The following ZFHX2 variants were observed in gnomAD, a reference collection of about 807,000 sequenced individuals.
ZFHX2 encodes the protein zinc finger homeobox 2.
ZFHX2 carries 75 observed loss-of-function variants against 164.8 expected under a neutral mutation model. That is an observed-to-expected ratio of 0.46 (90% confidence interval 0.38 to 0.55). The LOEUF (loss-of-function observed/expected upper bound fraction) is 0.55, where lower values mean the gene tolerates loss of function less well. ZFHX2 is among the 20% of genes least tolerant of loss of function. The pLI is 0.00. For synonymous variants in ZFHX2, 1,217 were observed against 1,351.4 expected (o/e 0.90, Z 2.18); for missense variants, 2,933 against 3,308.0 (o/e 0.89, Z 2.78).
At position 23,522,288 on chromosome 14, in the gene ZFHX2, G is replaced by A. The variant is rs1177092725; in HGVS notation, c.7393C>T (p.Pro2465Ser). ...AAGGATCTCTGGTGGGCAGTAGCCG[G>A]GGCCTCCCCGTCAAATGCCATCTTG... Reference protein sequence around the residue: ...QCKMAFDGEAPATAHQRSFCF... With the variant: ...QCKMAFDGEASATAHQRSFCF... Residue 2465 changes from proline (P) to serine (S), a missense_variant, in exon 10 of 10, where the codon CCG (proline) becomes TCG (serine). Transcript: ENST00000419474. 12 of 1,505,064 alleles carry A rather than the reference G, an allele frequency of 8.0e-6. No homozygotes were observed. Among genetic ancestry groups the A allele is most frequent in the Non-Finnish European group, 1.1e-5 (12 of 1,128,912 alleles). The allele number at this position is 1,505,064 out of a possible 1,614,324, so 93.2% of individuals were successfully genotyped here.
chr14:23,533,219 G>C lies in ZFHX2; in HGVS notation c.2041+66C>G, dbSNP rs1413618402. 1.4e-6 allele frequency: 2 copies of C among 1,435,964 alleles called. No individual in the cohort carries two copies. Among genetic ancestry groups the C allele is most frequent in the African/African-American group, 2.9e-5 (2 of 69,630 alleles). The allele number at this position is 1,435,964 out of a possible 1,614,324, so 89.0% of individuals were successfully genotyped here. ...TACCTAAGTGGGGAGTTGGTCCTTG[G>C]GAGAAAGCACGGAATAGAGTTTGGC... On this transcript the variant is annotated intron_variant, in intron 2 of 9. Transcript: ENST00000419474. The surrounding 1 kb of genome is among the most constrained non-coding windows in gnomAD (Gnocchi z 4.8).
At chr14:23,532,476 G>T in intron 3 of ZFHX2, 91 bp downstream of exon 3, 2 of 1,377,642 alleles carry the variant, frequency 1.5e-6, no homozygotes, top group South Asian at 3.5e-5. Context: ...TTGTCACCCA[G>T]GGTTTTCCTA....
rs1277753553 is a variant in ZFHX2, at chr14:23,526,637, G to C, written c.3305C>G (p.Pro1102Arg). 3 of 1,536,032 alleles carry C rather than the reference G, an allele frequency of 2.0e-6. No individual in the cohort carries two copies. The highest frequency in any genetic ancestry group is 2.6e-6 in the Non-Finnish European group (3 of 1,146,888). ...CTCAACTGAGGCCAGGGGAGGCTCA[G>C]GAAGAGGATCTGGACTGGCTTCTGG... Reference protein sequence around the residue: ...LTPEASPDPLPEPPLASVEVP... With the variant: ...LTPEASPDPLREPPLASVEVP... Residue 1102 changes from proline (P) to arginine (R), a missense_variant, in exon 9 of 10, where the codon CCT (proline) becomes CGT (arginine). Transcript: ENST00000419474.
chr14:23,537,307 A>G (rs1484667848), intron 1 of ZFHX2, among the ~76,000 whole-genome samples: 1 of 151,838 alleles, frequency 6.6e-6, no homozygotes, highest in Non-Finnish European at 1.5e-5. Flanking sequence ...ACTTCCCCCA[A>G]GGTCCCAGTT....
intron 6 of ZFHX2, among the ~76,000 whole-genome samples, chr14:23,528,192 A>G (rs1566579502): frequency 6.6e-6 from 1 of 152,170 alleles, no homozygotes. Context: ...TACAGGCGTG[A>G]GCCACCACGC....
At chr14:23,541,915 T>C (rs1880862494) in intron 1 of ZFHX2, among the ~76,000 whole-genome samples, 1 of 152,222 alleles carries the variant, frequency 6.6e-6, no homozygotes, top group African/African-American at 2.4e-5. Flanking sequence ...TTCTAGACCC[T>C]TCCCCTTTTA....
chr14:23,525,902 G>A lies in ZFHX2; in HGVS notation c.4040C>T (p.Pro1347Leu), dbSNP rs558237937. The change falls in exon 9 of 10, where the codon CCC becomes CTC. Residue 1347 changes from proline to leucine, a missense_variant. Transcript: ENST00000419474. This position sits in a 1 kb window ranked among gnomAD's most constrained non-coding sequence, Gnocchi z 5.9. ...APLFTPPVLP[P>L]FPLVPESLLK... is the part of the protein sequence containing the mutation. ...CAGTGATTCGGGCACCAGAGGGAAG[G>A]GGGGCAGGACTGGTGGGGTGAAGAG... The A allele has an allele frequency of 1.4e-6, 2 of 1,461,672 alleles. No homozygotes were observed. Among genetic ancestry groups the A allele is most frequent in the Non-Finnish European group, 9.0e-7 (1 of 1,111,448 alleles). The allele number at this position is 1,461,672 out of a possible 1,614,324, so 90.5% of individuals were successfully genotyped here. A position where few individuals can be genotyped will look rare whatever the true frequency, so the allele number is the denominator to read the frequency against.
Position 23,522,249 on chromosome 14 carries a change from G to T in ZFHX2, c.7432C>A (p.Arg2478=), listed in dbSNP as rs753985089. 6.8e-6 allele frequency: 10 copies of T among 1,480,306 alleles called. No individual in the cohort carries two copies. Among genetic ancestry groups the T allele is most frequent in the Non-Finnish European group, 9.0e-6 (10 of 1,117,208 alleles). 91.7% of individuals were successfully genotyped at this position (1,480,306 alleles called of 1,614,324 possible). Residue 2478 remains arginine, a synonymous_variant, in exon 10 of 10, where the codon CGG becomes AGG. Transcript: ENST00000419474. The part of the protein sequence containing the change: ...AHQRSFCFFG[R]GSGGSMPPPL... ...GGTGGCATGGAGCCCCCAGAGCCCC[G>T]CCCAAAGAAGCAGAAGGATCTCTGG...
Position 23,523,101 on chromosome 14 carries a change from A to G in ZFHX2, c.6739+102T>C, listed in dbSNP as rs1878249955. 6.4e-6 allele frequency: 9 copies of G among 1,406,464 alleles called. No homozygotes were observed. The highest frequency in any genetic ancestry group is 1.4e-5 in the African/African-American group (1 of 69,292). 87.1% of individuals were successfully genotyped at this position (1,406,464 alleles called of 1,614,324 possible). A position where few individuals can be genotyped will look rare whatever the true frequency, so the allele number is the denominator to read the frequency against. ...CAAGAGCCTGATGCAAAGGAAGGCCACAGGAGATTGGGCATGGGAAGAATC... is the reference window on the plus strand; with the variant it reads ...CAAGAGCCTGATGCAAAGGAAGGCCGCAGGAGATTGGGCATGGGAAGAATC... On this transcript the variant is annotated intron_variant, in intron 9 of 9. Coordinates refer to ENST00000419474, the MANE Select transcript of ZFHX2 (RefSeq NM_033400.3). This position sits in a 1 kb window ranked among gnomAD's most constrained non-coding sequence, Gnocchi z 4.1.
rs558237937 is a variant in ZFHX2, at chr14:23,525,902, G to C, written c.4040C>G (p.Pro1347Arg). The C allele has an allele frequency of 6.0e-5, 88 of 1,461,672 alleles. No individual in the cohort carries two copies. Among genetic ancestry groups the C allele is most frequent in the East Asian group, 5.4e-4 (22 of 40,442 alleles). 90.5% of individuals were successfully genotyped at this position (1,461,672 alleles called of 1,614,324 possible). The change falls in exon 9 of 10, where the codon CCC (proline) becomes CGC (arginine). Residue 1347 changes from proline to arginine, a missense_variant. Physicochemically the swap from Pro to Arg is moderately radical, Grantham distance 103. Transcript: ENST00000419474. The surrounding 1 kb of genome is among the most constrained non-coding windows in gnomAD (Gnocchi z 5.9). ...CAGTGATTCGGGCACCAGAGGGAAG[G>C]GGGGCAGGACTGGTGGGGTGAAGAG... Reference protein sequence around the residue: ...APLFTPPVLPPFPLVPESLLK... With the variant: ...APLFTPPVLPRFPLVPESLLK...
rs1595178939 is a variant in ZFHX2, at chr14:23,541,028, T to C, written c.-49-5654A>G. 2.0e-5 allele frequency among the ~76,000 whole-genome samples: 3 copies of C among 152,078 alleles called. 1 individual carries two copies. In the South Asian group the frequency reaches 6.2e-4, roughly 32 times the overall value. On this transcript the variant is annotated intron_variant, in intron 1 of 9. Coordinates refer to ENST00000419474, the MANE Select transcript of ZFHX2 (RefSeq NM_033400.3). The stretch of plus-strand genomic sequence containing the variant: ...TCAAGTGATTCTCCCTGCCATAGCC[T>C]CCCGAGTAGCTGGGATTACAGGTGC...
intron 1 of ZFHX2, among the ~76,000 whole-genome samples, chr14:23,537,510 C>A (rs903724923): frequency 1.3e-5 from 2 of 152,186 alleles, no homozygotes; most frequent in East Asian, 3.9e-4. Flanking sequence ...AACCTGAAGG[C>A]CCCATTGTAG....
Position 23,535,039 on chromosome 14 carries a change from T to C in ZFHX2, c.287A>G (p.Lys96Arg), listed in dbSNP as rs1379146122. The C allele has an allele frequency of 2.0e-6, 3 of 1,536,216 alleles. No individual in the cohort carries two copies. Among genetic ancestry groups the C allele is most frequent in the Admixed American group, 3.9e-5 (2 of 51,004 alleles). The change falls in exon 2 of 10, where the codon AAG becomes AGG. Residue 96 changes from lysine (K) to arginine (R), a missense_variant. By Grantham distance (26) the Lys-to-Arg change is conservative. Coordinates refer to ENST00000419474, the MANE Select transcript of ZFHX2 (RefSeq NM_033400.3). The surrounding 1 kb of genome is among the most constrained non-coding windows in gnomAD (Gnocchi z 4.5). Reference protein sequence around the residue: ...PPNDPGVEKDKEQEEEEEGLP... With the variant: ...PPNDPGVEKDREQEEEEEGLP... Reference sequence around the variant, plus strand: ...CCCTTCTTCTTCCTCCTCCTGCTCCTTGTCCTTTTCCACCCCTGGGTCATT... The same window carrying C: ...CCCTTCTTCTTCCTCCTCCTGCTCCCTGTCCTTTTCCACCCCTGGGTCATT...
Position 23,521,410 on chromosome 14 carries a change from T to C in ZFHX2, c.*552A>G, listed in dbSNP as rs1009060470. On this transcript the variant is annotated 3_prime_UTR_variant, in exon 10 of 10. Coordinates refer to ENST00000419474, the MANE Select transcript of ZFHX2 (RefSeq NM_033400.3). ...AGAGTTTGTGAGCGGTGTGGTGCTC[T>C]AGACAAAGGGTTAGGAAGGAGAAGA... 1 of 152,958 alleles carries C rather than the reference T, an allele frequency of 6.5e-6. No homozygotes were observed. The highest frequency in any genetic ancestry group is 1.5e-5 in the Non-Finnish European group (1 of 68,574). 9.5% of individuals were successfully genotyped at this position (152,958 alleles called of 1,614,324 possible).
At position 23,522,120 on chromosome 14, in the gene ZFHX2, G is replaced by A. The variant is rs759491953; in HGVS notation, c.7561C>T (p.Arg2521Cys). The change falls in exon 10 of 10, where the codon CGC becomes TGC. Residue 2521 changes from arginine to cysteine, a missense_variant. Coordinates refer to ENST00000419474, the MANE Select transcript of ZFHX2 (RefSeq NM_033400.3). ...ASHLRSSAHRRKAAPPQGGPP... is the reference protein window; with the variant it reads ...ASHLRSSAHRCKAAPPQGGPP... ...CCCCCTTGAGGTGGGGCTGCCTTGC[G>A]CCTGTGGGCCGAGGAGCGCAGGTGG... 8.6e-5 allele frequency: 132 copies of A among 1,532,150 alleles called. 1 individual carries two copies. Among genetic ancestry groups the A allele is most frequent in the South Asian group, 6.9e-4 (58 of 83,466 alleles). The allele number at this position is 1,532,150 out of a possible 1,614,324, so 94.9% of individuals were successfully genotyped here.
rs1441111580 is a variant in ZFHX2 at position 23,522,443 on chromosome 14, G to T, written c.7238C>A (p.Thr2413Lys). Residue 2413 changes from threonine (T) to lysine (K), a missense_variant, in exon 10 of 10, where the codon ACA becomes AAA. Thr to Lys is a moderately conservative substitution (Grantham distance 78). Coordinates refer to ENST00000419474, the MANE Select transcript of ZFHX2 (RefSeq NM_033400.3). ...CAGTTCAGGAGGCTTTGGAGGTGCT[G>T]TGGCTGTGGGCTCAGGGGGCTGGGG... ...PPPQPPEPTA[T>K]APPKPPELPA... 3 of 1,536,468 alleles carry T rather than the reference G, an allele frequency of 2.0e-6. No homozygotes were observed. Among genetic ancestry groups the T allele is most frequent in the Non-Finnish European group, 2.6e-6 (3 of 1,146,900 alleles).
chr14:23,535,012 A>G lies in ZFHX2; in HGVS notation c.314T>C (p.Leu105Pro). The G allele has an allele frequency of 6.5e-7, 1 of 1,535,920 alleles. No homozygotes were observed. Among genetic ancestry groups the G allele is most frequent in the Non-Finnish European group, 8.7e-7 (1 of 1,146,814 alleles). ...DKEQEEEEEG[L>P]PPMDLSNHLF... Reference sequence around the variant, plus strand: ...GTGGTTGCTTAGGTCCATGGGAGGGAGCCCTTCTTCTTCCTCCTCCTGCTC... The same window carrying G: ...GTGGTTGCTTAGGTCCATGGGAGGGGGCCCTTCTTCTTCCTCCTCCTGCTC... Residue 105 changes from leucine to proline, a missense_variant, in exon 2 of 10, where the codon CTC becomes CCC. Coordinates refer to ENST00000419474, the MANE Select transcript of ZFHX2 (RefSeq NM_033400.3). This position sits in a 1 kb window ranked among gnomAD's most constrained non-coding sequence, Gnocchi z 4.5.
In ZFHX2 at chr14:23,551,491, C is replaced by CT. The variant is rs755170580; in HGVS notation, c.-199_-198insA. ...TCCTCCCTCCCTCCAGCGCTCGCTC[C>CT]GGGGCGTCAGGGACGGAGACGGAAA... On this transcript the variant is annotated 5_prime_UTR_variant, in exon 1 of 10. Transcript: ENST00000419474. This position sits in a 1 kb window ranked among gnomAD's most constrained non-coding sequence, Gnocchi z 5.3. 2 of 151,232 alleles carry CT rather than the reference C, an allele frequency of 1.3e-5. No individual in the cohort carries two copies. Among genetic ancestry groups the CT allele is most frequent in the Non-Finnish European group, 2.9e-5 (2 of 67,934 alleles). 9.4% of individuals were successfully genotyped at this position (151,232 alleles called of 1,614,324 possible). A position where few individuals can be genotyped will look rare whatever the true frequency, so the allele number is the denominator to read the frequency against.
chr14:23,525,779 G>A lies in ZFHX2; in HGVS notation c.4163C>T (p.Ser1388Phe), dbSNP rs1215713361. The change falls in exon 9 of 10, where the codon TCC becomes TTC. Residue 1388 changes from serine to phenylalanine, a missense_variant. Transcript: ENST00000419474. The surrounding 1 kb of genome is among the most constrained non-coding windows in gnomAD (Gnocchi z 5.9). ...AGGAGGAGGGGTGGCAGCTGGCAGG[G>A]ACAGCACAGGTGCAGGCCCAGCTAG... ...LTLAGPAPVL[S>F]LPAATPPPPP... 12 of 1,501,354 alleles carry A rather than the reference G, an allele frequency of 8.0e-6. No individual in the cohort carries two copies. The highest frequency in any genetic ancestry group is 1.4e-5 in the African/African-American group (1 of 72,328). 93.0% of individuals were successfully genotyped at this position (1,501,354 alleles called of 1,614,324 possible). A position where few individuals can be genotyped will look rare whatever the true frequency, so the allele number is the denominator to read the frequency against.
Sources: allele counts gnomAD v4.1 joint callset (sites outside exome capture counted in the v4.1 genomes callset), GRCh38; gene constraint gnomAD v4.1.1; non-coding constraint Gnocchi (gnomAD v3.1); transcripts MANE v1.5; gene names NCBI Gene and HGNC (gene_info 2026-07-23, HGNC 2026-07-21).